CLSTN2: variants seen among roughly 807,000 people sequenced by gnomAD.
The protein encoded by CLSTN2 is calsyntenin-2.
CLSTN2 carries 48 observed loss-of-function variants against 101.2 expected under a neutral mutation model. The observed-to-expected ratio is 0.47, with a 90% CI of 0.38 to 0.60. The LOEUF is 0.60. CLSTN2 is among the 20% of genes least tolerant of loss of function. The pLI, the probability that CLSTN2 is intolerant of heterozygous loss-of-function variation, is 0.00. For missense variants in CLSTN2, 1,160 were observed against 1,238.2 expected (o/e 0.94, Z 0.95); for synonymous variants, 481 against 463.6 (o/e 1.04, Z -0.48).
chr3:140,291,795 G>A (rs963795687), intron 2 of CLSTN2, among the ~76,000 whole-genome samples: 27 of 151,924 alleles, frequency 1.8e-4, no homozygotes, highest in African/African-American at 6.3e-4. Context: ...ATCCGTGTCT[G>A]AAAGATGAGC....
At chr3:140,429,450 G>T (rs80118108) in intron 5 of CLSTN2, among the ~76,000 whole-genome samples, 1 of 152,018 alleles carries the variant, frequency 6.6e-6, no homozygotes, top group Admixed American at 6.5e-5. Context: ...AGAGGAGGGG[G>T]TATTCCAGAC....
chr3:140,117,294 A>G (rs1006006248), intron 1 of CLSTN2, among the ~76,000 whole-genome samples: 2 of 152,178 alleles, frequency 1.3e-5, no homozygotes, highest in Non-Finnish European at 2.9e-5. Context: ...TCCTCAGTGC[A>G]TGTAACCAGG....
At chr3:139,980,152 A>C (rs35226034) in intron 1 of CLSTN2, among the ~76,000 whole-genome samples, 1 of 151,996 alleles carries the variant, frequency 6.6e-6, no homozygotes, top group East Asian at 1.9e-4. Flanking sequence ...CTAGGCCCCC[A>C]GTCTGAAAAT....
intron 2 of CLSTN2, among the ~76,000 whole-genome samples, chr3:140,178,711 C>G (rs906862794): frequency 6.6e-6 from 1 of 152,132 alleles, no homozygotes; most frequent in African/African-American, 2.4e-5. Flanking sequence ...TATTTTAAAA[C>G]ATTTATCTTA....
At chr3:139,985,516 G>A (rs1243166077) in intron 1 of CLSTN2, among the ~76,000 whole-genome samples, 1 of 152,110 alleles carries the variant, frequency 6.6e-6, no homozygotes, top group Non-Finnish European at 1.5e-5. Flanking sequence ...GGGTGTGTAT[G>A]TCCTGAAACT....
intron 1 of CLSTN2, among the ~76,000 whole-genome samples, chr3:139,957,823 G>A (rs12107200): frequency 0.023 from 3,492 of 152,256 alleles, 118 homozygotes; most frequent in African/African-American, 0.08. Flanking sequence ...TGGAAGGCCT[G>A]GGCAGAATAG....
chr3:140,218,852 G>C (rs1418890871), intron 2 of CLSTN2, among the ~76,000 whole-genome samples: 1 of 152,140 alleles, frequency 6.6e-6, no homozygotes, highest in Non-Finnish European at 1.5e-5. Context: ...AGGGGGACAA[G>C]AATATAGAAG....
At chr3:140,254,047 T>A (rs1049705471) in intron 2 of CLSTN2, among the ~76,000 whole-genome samples, 1 of 152,146 alleles carries the variant, frequency 6.6e-6, no homozygotes, top group Non-Finnish European at 1.5e-5. Flanking sequence ...CCTAATTTGG[T>A]CATATTTCTC....
At chr3:140,510,444 TC>T (rs1431089716) in intron 8 of CLSTN2, among the ~76,000 whole-genome samples, 4 of 152,218 alleles carry the variant, frequency 2.6e-5, no homozygotes, top group African/African-American at 9.7e-5. Flanking sequence ...GTGCTTACTC[TC>T]CCCGGGGATG....
chr3:140,220,999 C>T (rs369398675), intron 2 of CLSTN2, among the ~76,000 whole-genome samples: 1 of 152,172 alleles, frequency 6.6e-6, no homozygotes, highest in Admixed American at 6.5e-5. Context: ...CAGGCTCAGC[C>T]GACAGGCTGG....
intron 1 of CLSTN2, among the ~76,000 whole-genome samples, chr3:140,137,916 C>A (rs556885048): frequency 6.6e-5 from 10 of 152,178 alleles, no homozygotes; most frequent in Non-Finnish European, 1.2e-4. Flanking sequence ...AACGCTTTCG[C>A]CTTCCCTATT....
rs556490750 is a variant in CLSTN2, at chr3:140,166,581, G to C, written c.110-9370G>C. Among the ~76,000 whole-genome samples, 36 of 152,286 alleles carry C rather than the reference G, an allele frequency of 2.4e-4. No homozygotes were observed. In the South Asian group the frequency reaches 6.6e-3, roughly 28 times the overall value. On this transcript the variant is annotated intron_variant, in intron 1 of 16. Coordinates refer to ENST00000458420, the MANE Select transcript of CLSTN2 (RefSeq NM_022131.3). Reference sequence around the variant, plus strand: ...GGTAAATCATGAGCCGCTTGGCCCTGCTGCTTGGATGGAGCATTAATACAC... The same window carrying C: ...GGTAAATCATGAGCCGCTTGGCCCTCCTGCTTGGATGGAGCATTAATACAC...
chr3:140,428,944 G>A (rs551628513), intron 5 of CLSTN2, among the ~76,000 whole-genome samples: 1 of 152,114 alleles, frequency 6.6e-6, no homozygotes, highest in African/African-American at 2.4e-5. Context: ...GTAAAATGCA[G>A]ATCCCGATTT....
chr3:140,245,865 G>T (rs1026320281), intron 2 of CLSTN2, among the ~76,000 whole-genome samples: 1 of 152,220 alleles, frequency 6.6e-6, no homozygotes, highest in African/African-American at 2.4e-5. Flanking sequence ...CGCACTTACT[G>T]AGGAAGAATG....
intron 1 of CLSTN2, among the ~76,000 whole-genome samples, chr3:139,961,821 T>G (rs537274827): frequency 4.6e-5 from 7 of 152,308 alleles, no homozygotes; most frequent in East Asian, 3.9e-4. Context: ...ATAACCCCCA[T>G]TACTCAGAGA....
chr3:140,408,282 C>A (rs527440782), intron 4 of CLSTN2, among the ~76,000 whole-genome samples: 7 of 152,252 alleles, frequency 4.6e-5, no homozygotes, highest in Admixed American at 2.0e-4. Flanking sequence ...GGACACTCCC[C>A]CAAATGACCT....
intron 8 of CLSTN2, among the ~76,000 whole-genome samples, chr3:140,491,950 G>A (rs973336429): frequency 6.6e-6 from 1 of 152,150 alleles, no homozygotes; most frequent in African/African-American, 2.4e-5. Context: ...AGGCATTTCT[G>A]TGGAGCCTGC....
intron 2 of CLSTN2, among the ~76,000 whole-genome samples, chr3:140,218,250 G>A (rs1031993782): frequency 2.6e-5 from 4 of 152,110 alleles, no homozygotes; most frequent in South Asian, 2.1e-4. Flanking sequence ...AAACTCTCCC[G>A]AGCCACTGCA....
chr3:140,456,528 C>T (rs1933403220), intron 6 of CLSTN2, among the ~76,000 whole-genome samples: 1 of 152,124 alleles, frequency 6.6e-6, no homozygotes, highest in South Asian at 2.1e-4. Flanking sequence ...GCGTAGTGCT[C>T]GTAATCCCAG....
Sources: gnomAD v4.1 joint callset for allele counts (sites outside exome capture counted in the v4.1 genomes callset) on GRCh38, gnomAD v4.1.1 for gene constraint, MANE v1.5 for transcripts, NCBI Gene and HGNC (gene_info 2026-07-23, HGNC 2026-07-21) for gene names.